The following FANCA variants were observed in gnomAD, a reference collection of about 807,000 sequenced individuals.
The protein encoded by FANCA is Fanconi anemia group A protein.
A neutral mutation model predicts 194.3 loss-of-function variants in FANCA; 236 were observed. The observed-to-expected ratio is 1.21, with a 90% CI of 1.09 to 1.35. The LOEUF (loss-of-function observed/expected upper bound fraction) is 1.35. Among genes scored for constraint, FANCA ranks in the 40% most tolerant of loss-of-function variants. The pLI, the probability that FANCA is intolerant of heterozygous loss-of-function variation, is 0.00. For synonymous variants in FANCA, 1,014 were observed against 715.8 expected, an observed-to-expected ratio of 1.42 and a Z score of -6.65; for missense variants, 2,628 against 1,813.9, an observed-to-expected ratio of 1.45 and a Z score of -8.15.
chr16:89,787,884 T>A (rs1027239662), intron 14 of FANCA, among the ~76,000 whole-genome samples: 17 of 152,036 alleles, frequency 1.1e-4, no homozygotes, highest in African/African-American at 4.1e-4. Flanking sequence ...AAAAAAAATT[T>A]TTTTTTTGAG....
chr16:89,805,750 T>C (rs2040617312), intron 6 of FANCA, among the ~76,000 whole-genome samples: 1 of 145,538 alleles, frequency 6.9e-6, no homozygotes, highest in Non-Finnish European at 1.5e-5. Context: ...TATTTTCTAA[T>C]TTCCCTTGTG....
At chr16:89,752,301 A>C (rs749831849) in intron 30 of FANCA, 79 bp from the exon 31 acceptor site, 4 of 1,143,370 alleles carry the variant, frequency 3.5e-6, no homozygotes, top group Non-Finnish European at 4.0e-6. Flanking sequence ...CTGCCTCCGG[A>C]GCTGAGTGAT....
Position 89,816,627 on chromosome 16 carries a change from C to G in FANCA, c.-12G>C, listed in dbSNP as rs373256600. 9 of 1,519,816 alleles carry G rather than the reference C, an allele frequency of 5.9e-6. 1 individual carries two copies. In the South Asian group the frequency reaches 1.1e-4, roughly 18 times the overall value. The allele number at this position is 1,519,816 out of a possible 1,614,324, so 94.1% of individuals were successfully genotyped here. A position where few individuals can be genotyped will look rare whatever the true frequency, so the allele number is the denominator to read the frequency against. On this transcript the variant is annotated 5_prime_UTR_variant, in exon 1 of 43. Transcript: ENST00000389301. ...CACGAGTCGGACATGGCCTTGGCGC[C>G]TACAGCCCCGGCGGCGGCTCCCTGC...
In FANCA at chr16:89,739,090, T is replaced by G. The variant is rs377636161; in HGVS notation, c.4167+43A>C. On this transcript the variant is annotated intron_variant, in intron 41 of 42. Transcript: ENST00000389301. ...TTCTTTGGCAGAAGGAGCCTCCGGCTGGGGGGAGCTCCCCTGGAGGTGGGA... is the reference window on the plus strand; with the variant it reads ...TTCTTTGGCAGAAGGAGCCTCCGGCGGGGGGGAGCTCCCCTGGAGGTGGGA... 1.5e-5 allele frequency: 25 copies of G among 1,613,750 alleles called. No homozygotes were observed. In the Admixed American group the frequency reaches 2.3e-4, roughly 15 times the overall value.
chr16:89,755,266 AGTGGCACAATCTGG>A (rs1015219599), intron 30 of FANCA, among the ~76,000 whole-genome samples: 13 of 151,206 alleles, frequency 8.6e-5, no homozygotes, highest in African/African-American at 3.2e-4. Flanking sequence ...GCTGGAGTGC[AGTGGCACAATCTGG>A]GCTCATTGCA....
intron 33 of FANCA, among the ~76,000 whole-genome samples, chr16:89,747,640 A>G (rs1489117900): frequency 4.6e-5 from 7 of 152,114 alleles, no homozygotes; most frequent in Non-Finnish European, 8.8e-5. Flanking sequence ...CGGAGGTTGC[A>G]GGGTGAGCCA....
intron 35 of FANCA, 69 bp from the exon 36 acceptor site, chr16:89,745,140 G>A (rs926837827): frequency 2.1e-6 from 3 of 1,438,746 alleles, no homozygotes; most frequent in African/African-American, 2.8e-5. Flanking sequence ...CCCCAGCCAT[G>A]ACAAGCCCCC....
intron 30 of FANCA, among the ~76,000 whole-genome samples, chr16:89,752,927 CA>C (rs1333374573): frequency 4.6e-5 from 7 of 152,252 alleles, no homozygotes; most frequent in Admixed American, 2.0e-4. Context: ...TCTGCTCCTC[CA>C]CCTCTTGTGG....
At position 89,783,112 on chromosome 16, in the gene FANCA, G is replaced by C. The variant is rs368356709; in HGVS notation, c.1471-10C>G. 6.2e-7 allele frequency: 1 copy of C among 1,602,262 alleles called. No homozygotes were observed. The highest frequency in any genetic ancestry group is 1.1e-5 in the South Asian group (1 of 90,790). On this transcript the variant is annotated splice_polypyrimidine_tract_variant and intron_variant, in intron 15 of 42. Coordinates refer to ENST00000389301, the MANE Select transcript of FANCA (RefSeq NM_000135.4). ...GGTGGAGAATGTGCACCTGAGGATA[G>C]ATAGCAGAGCGCAGCACCGTTAGTC...
chr16:89,758,657 G>A lies in FANCA; in HGVS notation c.2901C>T (p.Ser967=), dbSNP rs17226980. Residue 967 remains serine, a synonymous_variant, in exon 30 of 43, where the codon TCC becomes TCT. Coordinates refer to ENST00000389301, the MANE Select transcript of FANCA (RefSeq NM_000135.4). ...CTCCGTCACAGCCCCCTGAAGCCGA[G>A]GACTCAGGGAGAAAGTGCTCATGGA... ...WAIHEHFLPE[S]SASGGCDGDL... is the part of the protein sequence containing the mutation. 124,595 of 1,613,924 alleles carry A rather than the reference G, an allele frequency of 0.077. 5,773 individuals carry two copies. Among genetic ancestry groups the A allele is most frequent in the East Asian group, 0.17 (7,586 of 44,868 alleles).
chr16:89,759,349 A>AAAAAAAAAG (rs1386463570), intron 29 of FANCA, among the ~76,000 whole-genome samples: 33 of 139,534 alleles, frequency 2.4e-4, no homozygotes, highest in Middle Eastern at 7.6e-3. Context: ...AAAAAAAAAA[A>AAAAAAAAAG]GTAGCCTGGA....
Position 89,779,904 on chromosome 16 carries a change from A to G in FANCA, c.1680T>C (p.His560=), listed in dbSNP as rs2143432638. 6.2e-7 allele frequency: 1 copy of G among 1,614,138 alleles called. No homozygotes were observed. Among genetic ancestry groups the G allele is most frequent in the Non-Finnish European group, 8.5e-7 (1 of 1,180,050 alleles). ...DVEKAIMVFE[H]TGNIPVTVME... is the part of the protein sequence containing the mutation. Reference sequence around the variant, plus strand: ...TGACGGTGACTGGGATGTTCCCCGTATGCTCAAACACCATGATGGCCTTTT... The same window carrying G: ...TGACGGTGACTGGGATGTTCCCCGTGTGCTCAAACACCATGATGGCCTTTT... The change falls in exon 18 of 43, where the codon CAT becomes CAC. Residue 560 remains histidine, a synonymous_variant. Transcript: ENST00000389301.
chr16:89,799,711 G>C (rs1598165893), intron 8 of FANCA, 73 bp from the exon 9 acceptor site: 2 of 1,255,498 alleles, frequency 1.6e-6, no homozygotes, highest in East Asian at 2.3e-5. Flanking sequence ...TCACACAAGA[G>C]AATTATTACT....
chr16:89,770,439 G>T, intron 24 of FANCA, 125 bp downstream of exon 24: 2 of 1,068,184 alleles, frequency 1.9e-6, no homozygotes, highest in Non-Finnish European at 2.8e-6. Context: ...CCTATTTGAT[G>T]AAACTCAGCA....
In FANCA at chr16:89,750,161, C is replaced by A. The variant is rs62054609; in HGVS notation, c.3067-259G>T. On this transcript the variant is annotated intron_variant, in intron 31 of 42. Coordinates refer to ENST00000389301, the MANE Select transcript of FANCA (RefSeq NM_000135.4). The stretch of plus-strand genomic sequence containing the variant: ...GCAGATTCCTTGAGCCCAGGAGTTA[C>A]AGTACTACTTATCAACTACTTATCA... Among the ~76,000 whole-genome samples, 9,057 of 152,054 alleles carry A rather than the reference C, an allele frequency of 0.06. 415 individuals carry two copies. The highest frequency in any genetic ancestry group is 0.22 in the East Asian group (1,127 of 5,160).
At chr16:89,793,844 G>C (rs1323828823) in intron 11 of FANCA, among the ~76,000 whole-genome samples, 3 of 152,226 alleles carry the variant, frequency 2.0e-5, no homozygotes, top group East Asian at 1.9e-4. Context: ...TCTGCCTCTC[G>C]GGTTCAAGCG....
At chr16:89,796,704 T>C (rs1178066375) in intron 10 of FANCA, among the ~76,000 whole-genome samples, 1 of 152,082 alleles carries the variant, frequency 6.6e-6, no homozygotes, top group African/African-American at 2.4e-5. Flanking sequence ...CAAGCGGCAC[T>C]TTATGCCGAT....
chr16:89,740,205 G>A lies in FANCA; in HGVS notation c.3829-106C>T. ...AGAGGGCATTTCCTCTTTGCTTATT[G>A]TAAGTCTTAAAACTGGTGACAGTTT... On this transcript the variant is annotated intron_variant, in intron 38 of 42. Coordinates refer to ENST00000389301, the MANE Select transcript of FANCA (RefSeq NM_000135.4). 5 of 941,596 alleles carry A rather than the reference G, an allele frequency of 5.3e-6. No homozygotes were observed. The South Asian group carries it at 6.5e-5, about 12-fold the overall frequency. 58.3% of individuals were successfully genotyped at this position (941,596 alleles called of 1,614,324 possible). A position where few individuals can be genotyped will look rare whatever the true frequency, so the allele number is the denominator to read the frequency against.
At chr16:89,770,658 G>T (rs753515204) in intron 23 of FANCA, 24 bp from the exon 24 acceptor site, 1 of 1,586,994 alleles carries the variant, frequency 6.3e-7, no homozygotes, top group East Asian at 2.3e-5. Flanking sequence ...GTTCTCATGA[G>T]CGTGGTGTCC....
Sources: allele counts gnomAD v4.1 joint callset (sites outside exome capture counted in the v4.1 genomes callset), GRCh38; gene constraint gnomAD v4.1.1; transcripts MANE v1.5; gene names NCBI Gene and HGNC (gene_info 2026-07-23, HGNC 2026-07-21).